BBOF1: variants seen among roughly 807,000 people sequenced by gnomAD.
BBOF1 encodes the protein basal body-orientation factor 1.
A neutral mutation model predicts 68.0 loss-of-function variants in BBOF1; 62 were observed. That is an observed-to-expected ratio of 0.91 (90% CI 0.74 to 1.13). BBOF1 has a LOEUF of 1.13. BBOF1 is among the 50% of genes most tolerant of loss of function. BBOF1 has a pLI of 0.00. For missense variants in BBOF1, 534 were observed against 600.1 expected, an observed-to-expected ratio of 0.89 and a Z score of 1.15; for synonymous variants, 208 against 198.8, an observed-to-expected ratio of 1.05 and a Z score of -0.39.
At chr14:74,055,753 A>G in intron 9 of BBOF1, 68 bp downstream of exon 9, 2 of 1,266,484 alleles carry the variant, frequency 1.6e-6, no homozygotes, top group Non-Finnish European at 2.3e-6. Context: ...AGGAACAAAG[A>G]ACTTATTTTT....
At chr14:74,072,007 C>G in intron 9 of BBOF1, 2 of 1,603,008 alleles carry the variant, frequency 1.2e-6, no homozygotes, top group Non-Finnish European at 1.7e-6. Context: ...GAAATTAATG[C>G]AAGAATGTTC....
At chr14:74,061,267 C>T (rs1196113977) in intron 11 of BBOF1, among the ~76,000 whole-genome samples, 1 of 151,632 alleles carries the variant, frequency 6.6e-6, no homozygotes, top group African/African-American at 2.4e-5. Flanking sequence ...TGTGAGCCAC[C>T]GTGCCCCCAG....
At chr14:74,023,588 A>C (rs2059351833) in intron 2 of BBOF1, among the ~76,000 whole-genome samples, 1 of 152,090 alleles carries the variant, frequency 6.6e-6, no homozygotes, top group South Asian at 2.1e-4. Context: ...ACCTTATTAA[A>C]GTGTTGAGAG....
intron 9 of BBOF1, chr14:74,072,607 G>T: frequency 6.2e-7 from 1 of 1,613,018 alleles, no homozygotes; most frequent in Non-Finnish European, 8.5e-7. Flanking sequence ...GAGCTTTACA[G>T]TTGGCTGAAA....
intron 4 of BBOF1, among the ~76,000 whole-genome samples, chr14:74,037,285 T>C (rs1217735565): frequency 2.4e-5 from 3 of 127,288 alleles, no homozygotes; most frequent in Non-Finnish European, 1.6e-5. Context: ...TTTTTTTTTT[T>C]TTTTTTTTTT....
intron 7 of BBOF1, 33 bp downstream of exon 7, chr14:74,048,107 T>C (rs1452089022): frequency 6.3e-7 from 1 of 1,587,402 alleles, no homozygotes; most frequent in East Asian, 2.2e-5. Context: ...TGTCCTTCTT[T>C]TCTTTATTTA....
chr14:74,040,906 T>C, intron 5 of BBOF1: 2 of 457,272 alleles, frequency 4.4e-6, no homozygotes, highest in South Asian at 5.2e-5. Flanking sequence ...GATACTCCCC[T>C]GGTGAGACTA....
chr14:74,051,880 C>A (rs769907051), intron 8 of BBOF1, among the ~76,000 whole-genome samples: 4 of 151,674 alleles, frequency 2.6e-5, no homozygotes, highest in Non-Finnish European at 5.9e-5. Flanking sequence ...CCATGCCCAG[C>A]CTAACATCTT....
intron 11 of BBOF1, among the ~76,000 whole-genome samples, chr14:74,063,110 C>T (rs112370181): frequency 6.6e-5 from 10 of 152,250 alleles, no homozygotes; most frequent in South Asian, 2.1e-4. Flanking sequence ...AGCCCATTTC[C>T]GCTGTCTGAA....
intron 5 of BBOF1, 99 bp from the exon 6 acceptor site, chr14:74,045,961 C>A: frequency 9.7e-7 from 1 of 1,036,230 alleles, no homozygotes; most frequent in Non-Finnish European, 1.4e-6. Flanking sequence ...GTCATGGGGA[C>A]AGGAGTTTTT....
intron 11 of BBOF1, chr14:74,057,888 C>A: frequency 7.0e-6 from 7 of 1,002,238 alleles, no homozygotes; most frequent in Non-Finnish European, 8.3e-6. Flanking sequence ...CATCACAGTT[C>A]TGATTAGTGT....
Position 74,042,889 on chromosome 14 carries a change from C to G in BBOF1, c.576+2244C>G, listed in dbSNP as rs911032251. Reference sequence around the variant, plus strand: ...ACACACACACACACAGACACACACACACACACACACACACACACACACTAC... The same window carrying G: ...ACACACACACACACAGACACACACAGACACACACACACACACACACACTAC... On this transcript the variant is annotated intron_variant, in intron 5 of 11. Coordinates refer to ENST00000394009, the MANE Select transcript of BBOF1 (RefSeq NM_025057.3). 7.3e-3 allele frequency among the ~76,000 whole-genome samples: 1,095 copies of G among 149,930 alleles called. 18 individuals carry two copies. The highest frequency in any genetic ancestry group is 0.026 in the African/African-American group (1,055 of 40,148).
intron 4 of BBOF1, among the ~76,000 whole-genome samples, chr14:74,037,923 C>T (rs2059746038): frequency 6.7e-6 from 1 of 149,866 alleles, no homozygotes; most frequent in Non-Finnish European, 1.5e-5. Context: ...CCATTGCACT[C>T]TGGCCTGGGC....
chr14:74,047,168 G>A (rs968039094), intron 6 of BBOF1, among the ~76,000 whole-genome samples: 5 of 152,168 alleles, frequency 3.3e-5, no homozygotes, highest in Non-Finnish European at 7.3e-5. Context: ...TTGTCATGAG[G>A]TATATTAGTG....
chr14:74,072,836 C>A (rs945301545), intron 9 of BBOF1, among the ~76,000 whole-genome samples: 2 of 151,874 alleles, frequency 1.3e-5, no homozygotes, highest in Admixed American at 6.6e-5. Flanking sequence ...TCGCTCTTGT[C>A]CCCCAGTCTG....
chr14:74,033,913 AGGG>A (rs1187084290), intron 3 of BBOF1, 112 bp from the exon 4 acceptor site: 11 of 529,232 alleles, frequency 2.1e-5, no homozygotes, highest in Non-Finnish European at 3.1e-5. Context: ...AATAGAAAAA[AGGG>A]GGGATATTTC....
chr14:74,072,409 C>T (rs753544118), intron 9 of BBOF1: 2 of 1,613,988 alleles, frequency 1.2e-6, no homozygotes, highest in Non-Finnish European at 1.7e-6. Context: ...GACTCACCTT[C>T]TCCACTGTAC....
chr14:74,033,865 C>CAAAATAAATAAAT (rs967149230), intron 3 of BBOF1, among the ~76,000 whole-genome samples, 163 bp from the exon 4 acceptor site: 12 of 150,644 alleles, frequency 8.0e-5, no homozygotes, highest in African/African-American at 2.7e-4. Flanking sequence ...GACTCCATCT[C>CAAAATAAATAAAT]AAAATAAATA....
intron 1 of BBOF1, among the ~76,000 whole-genome samples, chr14:74,022,583 T>C (rs1402773699): frequency 6.6e-6 from 1 of 152,136 alleles, no homozygotes; most frequent in Non-Finnish European, 1.5e-5. Context: ...CTTTCTGAAA[T>C]GAGTTTGGCT....
Sources: gnomAD v4.1 joint callset for allele counts (sites outside exome capture counted in the v4.1 genomes callset) on GRCh38, gnomAD v4.1.1 for gene constraint, MANE v1.5 for transcripts, NCBI Gene and HGNC (gene_info 2026-07-23, HGNC 2026-07-21) for gene names.